Variants in MYC observed in about 807,000 individuals in gnomAD.
MYC encodes the protein myc proto-oncogene protein.
A neutral mutation model predicts 30.5 loss-of-function variants in MYC; 1 was observed. The ratio of observed to expected loss-of-function variants is 0.03; its 90% CI spans 0.01 to 0.16. The LOEUF is 0.16. Ranked by LOEUF, MYC falls within the 10% of genes least tolerant of loss-of-function variation. The probability of loss-of-function intolerance (pLI) is 1.00; values close to 1 mark genes in which losing one functional copy is unlikely to be tolerated. For missense variants in MYC, 508 were observed against 589.0 expected (o/e 0.86, Z 1.42); for synonymous variants, 267 against 250.7 (o/e 1.07, Z -0.62).
rs1813713632 is a variant in MYC, at chr8:127,741,602, C to T, written c.*644C>T. Among the ~76,000 whole-genome samples the T allele has an allele frequency of 1.3e-5, 2 of 152,102 alleles. No homozygotes were observed. Among genetic ancestry groups the T allele is most frequent in the Admixed American group, 6.5e-5 (1 of 15,280 alleles). ...TTAAGTTCTTGGAGGTTCTAAGATGCTTCCTGGAGACTATGATAACAGCCA... is the reference window on the plus strand; with the variant it reads ...TTAAGTTCTTGGAGGTTCTAAGATGTTTCCTGGAGACTATGATAACAGCCA... On this transcript the variant is annotated 3_prime_UTR_variant, in exon 3 of 3. Transcript: ENST00000621592.
rs1813723840 is a variant in MYC, at chr8:127,742,297, T to G, written c.*1339T>G. 6.6e-6 allele frequency among the ~76,000 whole-genome samples: 1 copy of G among 152,206 alleles called. No individual in the cohort carries two copies. Among genetic ancestry groups the G allele is most frequent in the Non-Finnish European group, 1.5e-5 (1 of 68,042 alleles). On this transcript the variant is annotated 3_prime_UTR_variant, in exon 3 of 3. Coordinates refer to ENST00000621592, the MANE Select transcript of MYC (RefSeq NM_002467.6). Reference sequence around the variant, plus strand: ...CAAAGACTCATCCACATGCCCAAGATTCACTGATAGGGAAAAGTGGAAGCG... The same window carrying G: ...CAAAGACTCATCCACATGCCCAAGAGTCACTGATAGGGAAAAGTGGAAGCG...
At chr8:127,736,225 T>G, upstream of MYC, 1 of 495,252 alleles carries the variant, frequency 2.0e-6, no homozygotes, top group Non-Finnish European at 3.5e-6. Flanking sequence ...TTTCGGGGCT[T>G]TATCTAACTC....
Position 127,740,444 on chromosome 8 carries a change from A to T in MYC, c.851A>T (p.Lys284Met), listed in dbSNP as rs755221038. The T allele has an allele frequency of 6.2e-7, 1 of 1,614,140 alleles. No individual in the cohort carries two copies. The highest frequency in any genetic ancestry group is 2.2e-5 in the East Asian group (1 of 44,880). Residue 284 changes from lysine (K) to methionine (M), a missense_variant, in exon 3 of 3, where the codon AAG (lysine) becomes ATG (methionine). Lys to Met is a moderately conservative substitution (Grantham distance 95). Around this residue, in one of 5 missense-constraint regions of MYC, gnomAD observed 364 missense variants for 381.1 expected, o/e 0.96. Coordinates refer to ENST00000621592, the MANE Select transcript of MYC (RefSeq NM_002467.6). ...GAAATCGATGTTGTTTCTGTGGAAA[A>T]GAGGCAGGCTCCTGGCAAAAGGTCA... is the stretch of plus-strand genomic sequence containing the variant.
chr8:127,737,326 G>C (rs1813609657), intron 1 of MYC, among the ~76,000 whole-genome samples: 1 of 152,234 alleles, frequency 6.6e-6, no homozygotes, highest in Non-Finnish European at 1.5e-5. Flanking sequence ...GATTCTCCTG[G>C]AATCGTTGAC....
At chr8:127,735,744 A>G, upstream of MYC, 1 of 398,930 alleles carries the variant, frequency 2.5e-6, no homozygotes, top group Non-Finnish European at 4.4e-6. Flanking sequence ...GATGATTTAT[A>G]CTCACAGGAC....
upstream of MYC, chr8:127,735,541 T>G: frequency 2.5e-6 from 1 of 398,948 alleles, no homozygotes; most frequent in Non-Finnish European, 4.4e-6. Flanking sequence ...CATTCCTCCC[T>G]ATCTACACTA....
chr8:127,737,406 C>T (rs1461957182), intron 1 of MYC, among the ~76,000 whole-genome samples: 1 of 152,164 alleles, frequency 6.6e-6, no homozygotes, highest in Non-Finnish European at 1.5e-5. Context: ...CGGGTGTCCT[C>T]GCGCCCGAGA....
In MYC at chr8:127,738,296, T is replaced by A. The variant is rs1418866533; in HGVS notation, c.79T>A (p.Tyr27Asn). Reference sequence around the variant, plus strand: ...CAACGTTAGCTTCACCAACAGGAACTATGACCTCGACTACGACTCGGTGCA... The same window carrying A: ...CAACGTTAGCTTCACCAACAGGAACAATGACCTCGACTACGACTCGGTGCA... Residue 27 changes from tyrosine (Y) to asparagine (N), a missense_variant, in exon 2 of 3, where the codon TAT (tyrosine) becomes AAT (asparagine). Physicochemically the swap from Tyr to Asn is moderately radical, Grantham distance 143. This residue lies in a region of MYC where 70 missense variants were observed against 84.5 expected (regional missense o/e 0.83). Transcript: ENST00000621592. This position sits in a 1 kb window ranked among gnomAD's most constrained non-coding sequence, Gnocchi z 7.6. 6.2e-7 allele frequency: 1 copy of A among 1,610,814 alleles called. No individual in the cohort carries two copies. The highest frequency in any genetic ancestry group is 8.5e-7 in the Non-Finnish European group (1 of 1,177,640).
In MYC at chr8:127,738,977, G is replaced by A. The variant is rs751130055; in HGVS notation, c.760G>A (p.Val254Met). The A allele has an allele frequency of 3.8e-6, 6 of 1,559,158 alleles. No individual in the cohort carries two copies. Among genetic ancestry groups the A allele is most frequent in the South Asian group, 2.4e-5 (2 of 83,978 alleles). The stretch of plus-strand genomic sequence containing the variant: ...CCCGCAGGGCAGCCCCGAGCCCCTG[G>A]TGCTCCATGAGGAGACACCGCCCAC... Residue 254 changes from valine (V) to methionine (M), a missense_variant, in exon 2 of 3, where the codon GTG becomes ATG. Coordinates refer to ENST00000621592, the MANE Select transcript of MYC (RefSeq NM_002467.6). The surrounding 1 kb of genome is among the most constrained non-coding windows in gnomAD (Gnocchi z 7.6).
rs1248173307 is a variant in MYC at position 127,738,671 on chromosome 8, G to A, written c.454G>A (p.Gly152Ser). 3.7e-6 allele frequency: 6 copies of A among 1,614,032 alleles called. No individual in the cohort carries two copies. In the South Asian group the frequency reaches 6.6e-5, roughly 18 times the overall value. The change falls in exon 2 of 3, where the codon GGC becomes AGC. Residue 152 changes from glycine (G) to serine (S), a missense_variant. Around this residue, in one of 5 missense-constraint regions of MYC, gnomAD observed 364 missense variants for 381.1 expected, o/e 0.96. Transcript: ENST00000621592. The surrounding 1 kb of genome is among the most constrained non-coding windows in gnomAD (Gnocchi z 7.6). Reference sequence around the variant, plus strand: ...CATCATCCAGGACTGTATGTGGAGCGGCTTCTCGGCCGCCGCCAAGCTCGT... The same window carrying A: ...CATCATCCAGGACTGTATGTGGAGCAGCTTCTCGGCCGCCGCCAAGCTCGT...
In MYC at chr8:127,738,496, ACCCTTCT is replaced by A; in HGVS notation, c.286_292del (p.Ser96GlyfsTer20). On this transcript the variant is annotated frameshift_variant, in exon 2 of 3. Transcript: ENST00000621592. LOFTEE classifies it high-confidence loss of function. The surrounding 1 kb of genome is among the most constrained non-coding windows in gnomAD (Gnocchi z 7.6). ...GCTCGCCCTCCTACGTTGCGGTCAC[ACCCTTCT>A]CCCTTCGGGGAGACAACGACGGCGG... 6.2e-7 allele frequency: 1 copy of A among 1,607,836 alleles called. No individual in the cohort carries two copies. Among genetic ancestry groups the A allele is most frequent in the Non-Finnish European group, 8.5e-7 (1 of 1,176,326 alleles).
Position 127,741,068 on chromosome 8 carries a change from G to A in MYC, c.*110G>A, listed in dbSNP as rs1006494666. 16 of 1,030,404 alleles carry A rather than the reference G, an allele frequency of 1.6e-5. No homozygotes were observed. The African/African-American group carries it at 2.5e-4, about 16-fold the overall frequency. 63.8% of individuals were successfully genotyped at this position (1,030,404 alleles called of 1,614,324 possible). The stretch of plus-strand genomic sequence containing the variant: ...AACCTCACAACCTTGGCTGAGTCTT[G>A]AGACTGAAAGATTTAGCCATAATGT... On this transcript the variant is annotated 3_prime_UTR_variant, in exon 3 of 3. Transcript: ENST00000621592.
At position 127,736,593 on chromosome 8, in the gene MYC, G is replaced by C. The variant is rs1245804968; in HGVS notation, c.-1G>C. The stretch of plus-strand genomic sequence containing the variant: ...AGGCTCTCCTTGCAGCTGCTTAGAC[G>C]CTGGATTTTTTTCGGGTAGTGGAAA... On this transcript the variant is annotated 5_prime_UTR_variant, in exon 1 of 3. Coordinates refer to ENST00000621592, the MANE Select transcript of MYC (RefSeq NM_002467.6). 2 of 1,614,232 alleles carry C rather than the reference G, an allele frequency of 1.2e-6. No individual in the cohort carries two copies. Among genetic ancestry groups the C allele is most frequent in the Non-Finnish European group, 1.7e-6 (2 of 1,180,040 alleles).
At chr8:127,739,140 T>C in intron 2 of MYC, 121 bp downstream of exon 2, 1 of 1,139,544 alleles carries the variant, frequency 8.8e-7, no homozygotes, top group African/African-American at 1.6e-5. Flanking sequence ...TCTGGAGAGA[T>C]TTGGGAGCTC....
intron 2 of MYC, 83 bp downstream of exon 2, chr8:127,739,102 A>C: frequency 7.5e-7 from 1 of 1,341,904 alleles, no homozygotes; most frequent in East Asian, 2.6e-5. Flanking sequence ...TTAACGGGCC[A>C]CTCTTATTAG....
chr8:127,736,061 C>T (rs7015537), upstream of MYC: 132 of 403,696 alleles, frequency 3.3e-4, no homozygotes, highest in African/African-American at 2.5e-3. Flanking sequence ...AGGGTCTGGA[C>T]GGCTGAGGAC....
chr8:127,738,464 G>A lies in MYC; in HGVS notation c.247G>A (p.Gly83Arg), dbSNP rs2130093702. Residue 83 changes from glycine to arginine, a missense_variant, in exon 2 of 3, where the codon GGG becomes AGG. By Grantham distance (125) the Gly-to-Arg change is moderately radical. Coordinates refer to ENST00000621592, the MANE Select transcript of MYC (RefSeq NM_002467.6). The surrounding 1 kb of genome is among the most constrained non-coding windows in gnomAD (Gnocchi z 7.6). ...GCCCCTGTCCCCTAGCCGCCGCTCC[G>A]GGCTCTGCTCGCCCTCCTACGTTGC... is the stretch of plus-strand genomic sequence containing the variant. 8.1e-6 allele frequency: 13 copies of A among 1,606,806 alleles called. No homozygotes were observed. The highest frequency in any genetic ancestry group is 1.0e-5 in the Non-Finnish European group (12 of 1,175,298).
chr8:127,738,159 CTG>C lies in MYC; in HGVS notation c.31-86_31-85del, dbSNP rs1013551007. On this transcript the variant is annotated intron_variant, in intron 1 of 2. Coordinates refer to ENST00000621592, the MANE Select transcript of MYC (RefSeq NM_002467.6). The surrounding 1 kb of genome is among the most constrained non-coding windows in gnomAD (Gnocchi z 7.6). ...GCTCTGCAAGGGGAGAGGTTCGGGA[CTG>C]TGGCGCGCACTGCGCGCTGCGCCAG... is the stretch of plus-strand genomic sequence containing the variant. 31 of 1,464,028 alleles carry C rather than the reference CTG, an allele frequency of 2.1e-5. No homozygotes were observed. In the African/African-American group the frequency reaches 4.1e-4, roughly 19 times the overall value. 90.7% of individuals were successfully genotyped at this position (1,464,028 alleles called of 1,614,324 possible).
rs4645958 is a variant in MYC, at chr8:127,738,167, C to A, written c.31-81C>A. The A allele has an allele frequency of 6.7e-7, 1 of 1,482,974 alleles. No individual in the cohort carries two copies. Among genetic ancestry groups the A allele is most frequent in the Non-Finnish European group, 9.0e-7 (1 of 1,109,650 alleles). The allele number at this position is 1,482,974 out of a possible 1,614,324, so 91.9% of individuals were successfully genotyped here. ...AGGGGAGAGGTTCGGGACTGTGGCG[C>A]GCACTGCGCGCTGCGCCAGGTTTCC... On this transcript the variant is annotated intron_variant, in intron 1 of 2. Coordinates refer to ENST00000621592, the MANE Select transcript of MYC (RefSeq NM_002467.6). This position sits in a 1 kb window ranked among gnomAD's most constrained non-coding sequence, Gnocchi z 7.6.
Sources: gnomAD v4.1 joint callset for allele counts (sites outside exome capture counted in the v4.1 genomes callset) on GRCh38, gnomAD v4.1.1 for gene constraint, gnomAD v4.1.1 regional missense constraint, Gnocchi (gnomAD v3.1) non-coding constraint, MANE v1.5 for transcripts, NCBI Gene and HGNC (gene_info 2026-07-23, HGNC 2026-07-21) for gene names.